The following UBN2 variants were observed in gnomAD, a reference collection of about 807,000 sequenced individuals.
UBN2 encodes ubinuclein 2.
UBN2 carries 35 observed loss-of-function variants against 120.2 expected under a neutral mutation model. The observed-to-expected ratio is 0.29, with a 90% CI of 0.22 to 0.39. The LOEUF (loss-of-function observed/expected upper bound fraction) is 0.39. UBN2 is among the 10% of genes least tolerant of loss of function. UBN2 has a pLI of 1.00. For missense variants in UBN2, 1,693 were observed against 1,663.2 expected, an observed-to-expected ratio of 1.02 and a Z score of -0.31; for synonymous variants, 661 against 648.7, an observed-to-expected ratio of 1.02 and a Z score of -0.29.
chr7:139,319,887 T>C, the UBN2 span, among the ~76,000 whole-genome samples: 12 of 152,098 alleles, frequency 7.9e-5, no homozygotes, highest in South Asian at 6.2e-4. Flanking sequence ...CCATCCTGGC[T>C]AACATGGTGA....
At chr7:139,244,788 A>T (rs73466679) in intron 2 of UBN2, among the ~76,000 whole-genome samples, 3 of 152,112 alleles carry the variant, frequency 2.0e-5, no homozygotes, top group Non-Finnish European at 4.4e-5. Context: ...TATTGTCTCC[A>T]TAATAACCAG....
At position 139,247,725 on chromosome 7, in the gene UBN2, AT is replaced by A. The variant is rs951935038; in HGVS notation, c.562-4223del. ...TTGTGAATTTCTTGCAAATCTGAGC[AT>A]TTTTTTTCTTTCTAGCTGTTTTATT... On this transcript the variant is annotated intron_variant, in intron 2 of 17. Coordinates refer to ENST00000473989, the MANE Select transcript of UBN2 (RefSeq NM_173569.4). Among the ~76,000 whole-genome samples, 3 of 151,992 alleles carry A rather than the reference AT, an allele frequency of 2.0e-5. 1 individual carries two copies. Among genetic ancestry groups the A allele is most frequent in the Admixed American group, 1.3e-4 (2 of 15,240 alleles).
chr7:139,232,048 C>A lies in UBN2; in HGVS notation c.468+96C>A. On this transcript the variant is annotated intron_variant, in intron 1 of 17. Coordinates refer to ENST00000473989, the MANE Select transcript of UBN2 (RefSeq NM_173569.4). The stretch of plus-strand genomic sequence containing the variant: ...TGCACCTTGGGACGCCCACCGAGCG[C>A]GTCCGGGTCGCCCCGAGGGTGGGGT... 4 of 1,254,388 alleles carry A rather than the reference C, an allele frequency of 3.2e-6. No homozygotes were observed. The South Asian group carries it at 5.6e-5, about 17-fold the overall frequency. 77.7% of individuals were successfully genotyped at this position (1,254,388 alleles called of 1,614,324 possible). A position where few individuals can be genotyped will look rare whatever the true frequency, so the allele number is the denominator to read the frequency against.
chr7:139,232,061 C>A, intron 1 of UBN2, 109 bp downstream of exon 1: 1 of 1,117,946 alleles, frequency 8.9e-7, no homozygotes, highest in East Asian at 3.1e-5. Flanking sequence ...CCGGGTCGCC[C>A]CGAGGGTGGG....
At chr7:139,268,729 C>G (rs1049892537) in intron 7 of UBN2, among the ~76,000 whole-genome samples, 1 of 151,962 alleles carries the variant, frequency 6.6e-6, no homozygotes, top group Non-Finnish European at 1.5e-5. Flanking sequence ...GCCAGTGGGC[C>G]GAGGGGTAGT....
chr7:139,314,370 G>A, the UBN2 span, among the ~76,000 whole-genome samples: 1 of 151,452 alleles, frequency 6.6e-6, no homozygotes, highest in Admixed American at 6.6e-5. Context: ...CAGGAGAATC[G>A]CTTGAACCCG....
chr7:139,260,088 C>G (rs1796885532), intron 5 of UBN2, among the ~76,000 whole-genome samples: 1 of 150,124 alleles, frequency 6.7e-6, no homozygotes, highest in African/African-American at 2.4e-5. Context: ...ATTGATTTTA[C>G]ATAGCTATTC....
intron 7 of UBN2, among the ~76,000 whole-genome samples, chr7:139,268,452 G>T (rs1797162278): frequency 6.6e-6 from 1 of 151,988 alleles, no homozygotes; most frequent in Non-Finnish European, 1.5e-5. Flanking sequence ...CAGTTGTATT[G>T]GTGATGCCTT....
In UBN2 at chr7:139,278,482, T is replaced by TTC. The variant is rs1797512693; in HGVS notation, c.2025-833_2025-832dup. ...GCATGAGCCACTGCACCCAGCCTCC[T>TTC]TCTCCCTTTTTTTAAATAGCTTCAT... On this transcript the variant is annotated intron_variant, in intron 12 of 17. Coordinates refer to ENST00000473989, the MANE Select transcript of UBN2 (RefSeq NM_173569.4). 1.3e-5 allele frequency among the ~76,000 whole-genome samples: 2 copies of TTC among 152,112 alleles called. 1 individual carries two copies. The highest frequency in any genetic ancestry group is 4.1e-4 in the South Asian group (2 of 4,828).
chr7:139,269,816 T>C (rs1272064952), intron 8 of UBN2, among the ~76,000 whole-genome samples: 1 of 152,200 alleles, frequency 6.6e-6, no homozygotes, highest in Non-Finnish European at 1.5e-5. Flanking sequence ...CCTTTTTTTT[T>C]TTCCTTTTGA....
At chr7:139,291,378 A>C (rs938532688) in intron 15 of UBN2, among the ~76,000 whole-genome samples, 1 of 151,298 alleles carries the variant, frequency 6.6e-6, no homozygotes, top group African/African-American at 2.4e-5. Context: ...AAAAAAAAAA[A>C]AAAACATGGA....
At chr7:139,281,046 TGAC>T (rs1797593158) in intron 13 of UBN2, among the ~76,000 whole-genome samples, 1 of 152,248 alleles carries the variant, frequency 6.6e-6, no homozygotes, top group Non-Finnish European at 1.5e-5. Context: ...TTTTGACACT[TGAC>T]TTTATTTTTA....
chr7:139,279,383 T>TA (rs1311880958), intron 13 of UBN2, 23 bp downstream of exon 13: 1 of 1,562,428 alleles, frequency 6.4e-7, no homozygotes, highest in South Asian at 1.1e-5. Flanking sequence ...ACAAAATATT[T>TA]AATTAGTTAT....
the UBN2 span, among the ~76,000 whole-genome samples, chr7:139,315,815 A>G: frequency 6.6e-6 from 1 of 152,002 alleles, no homozygotes. Flanking sequence ...GGTGGCTCAC[A>G]CCTGTAATCT....
Position 139,269,504 on chromosome 7 carries a change from A to G in UBN2, c.1577A>G (p.Lys526Arg). 6.2e-7 allele frequency: 1 copy of G among 1,614,154 alleles called. No individual in the cohort carries two copies. The highest frequency in any genetic ancestry group is 2.2e-5 in the East Asian group (1 of 44,874). ...GAAACACTAGTAAAACGTCTGAAGAAGTTACATCTCAATGTCCAGGTAAGA... is the reference window on the plus strand; with the variant it reads ...GAAACACTAGTAAAACGTCTGAAGAGGTTACATCTCAATGTCCAGGTAAGA... ...NKETLVKRLKKLHLNVQDDRL... is the reference protein window; with the variant it reads ...NKETLVKRLKRLHLNVQDDRL... The change falls in exon 8 of 18, where the codon AAG (lysine) becomes AGG (arginine). Residue 526 changes from lysine to arginine, a missense_variant. This residue lies in a region of UBN2 where 178 missense variants were observed against 204.0 expected (regional missense o/e 0.87). Transcript: ENST00000473989.
rs553083949 is a variant in UBN2 at position 139,273,820 on chromosome 7, T to C, written c.1830-111T>C. The C allele has an allele frequency of 4.8e-5, 43 of 896,034 alleles. No homozygotes were observed. In the East Asian group the frequency reaches 9.6e-4, roughly 20 times the overall value. 55.5% of individuals were successfully genotyped at this position (896,034 alleles called of 1,614,324 possible). On this transcript the variant is annotated intron_variant, in intron 10 of 17. Coordinates refer to ENST00000473989, the MANE Select transcript of UBN2 (RefSeq NM_173569.4). ...TTTGACTGTGGTGCAATGAATGATATATGTTAGAAATTGTTTGTTATTTTC... is the reference window on the plus strand; with the variant it reads ...TTTGACTGTGGTGCAATGAATGATACATGTTAGAAATTGTTTGTTATTTTC...
chr7:139,274,894 AG>A (rs1275160103), intron 11 of UBN2, among the ~76,000 whole-genome samples: 1 of 152,144 alleles, frequency 6.6e-6, no homozygotes, highest in Non-Finnish European at 1.5e-5. Flanking sequence ...ATCTGAGACC[AG>A]TCTCAAAAAA....
At position 139,298,014 on chromosome 7, in the gene UBN2, G is replaced by A; in HGVS notation, c.*178G>A. 1.6e-6 allele frequency: 1 copy of A among 635,430 alleles called. No individual in the cohort carries two copies. Among genetic ancestry groups the A allele is most frequent in the Non-Finnish European group, 2.7e-6 (1 of 374,176 alleles). The allele number at this position is 635,430 out of a possible 1,614,324, so 39.4% of individuals were successfully genotyped here. A position where few individuals can be genotyped will look rare whatever the true frequency, so the allele number is the denominator to read the frequency against. ...CATTACTTGAGCAAAGCCAGGTGCA[G>A]GAGGAAGAAATGCTTTTGTGCAAAG... On this transcript the variant is annotated 3_prime_UTR_variant, in exon 18 of 18. Coordinates refer to ENST00000473989, the MANE Select transcript of UBN2 (RefSeq NM_173569.4).
chr7:139,253,515 T>C (rs1025700066), intron 3 of UBN2, among the ~76,000 whole-genome samples: 13 of 152,334 alleles, frequency 8.5e-5, no homozygotes, highest in African/African-American at 3.1e-4. Context: ...ATCTCTAATA[T>C]CTGTTCAATT....
Sources: allele counts gnomAD v4.1 joint callset (sites outside exome capture counted in the v4.1 genomes callset), GRCh38; gene constraint gnomAD v4.1.1; regional missense constraint gnomAD v4.1.1; transcripts MANE v1.5; gene names NCBI Gene and HGNC (gene_info 2026-07-23, HGNC 2026-07-21).